DOCK3: variants seen among roughly 807,000 people sequenced by gnomAD.
DOCK3 encodes dedicator of cytokinesis protein 3.
A neutral mutation model predicts 265.6 loss-of-function variants in DOCK3; 60 were observed. The observed-to-expected ratio is 0.23, with a 90% confidence interval of 0.18 to 0.28. DOCK3 has a LOEUF of 0.28. Ranked by LOEUF, DOCK3 falls within the 10% of genes least tolerant of loss-of-function variation. The pLI is 1.00. For synonymous variants in DOCK3, 881 were observed against 938.0 expected (o/e 0.94, Z 1.11); for missense variants, 1,981 against 2,594.3 (o/e 0.76, Z 5.14).
chr3:50,949,585 A>G (rs1187492540), intron 5 of DOCK3, among the ~76,000 whole-genome samples: 3 of 152,182 alleles, frequency 2.0e-5, no homozygotes, highest in Admixed American at 6.5e-5. Context: ...AACATTTGGT[A>G]GAATTCACCT....
intron 5 of DOCK3, among the ~76,000 whole-genome samples, chr3:51,052,703 G>C (rs1005886111): frequency 2.0e-5 from 3 of 152,126 alleles, no homozygotes; most frequent in African/African-American, 7.2e-5. Context: ...AAGGGGCTTG[G>C]TTGGCAGGGT....
At chr3:51,145,323 C>T (rs2085248897) in intron 9 of DOCK3, among the ~76,000 whole-genome samples, 1 of 152,024 alleles carries the variant, frequency 6.6e-6, no homozygotes, top group Admixed American at 6.5e-5. Context: ...TGGTGTGCTG[C>T]ACCCATTAAC....
chr3:51,312,724 C>A, intron 30 of DOCK3, 120 bp from the exon 31 acceptor site: 1 of 1,267,960 alleles, frequency 7.9e-7, no homozygotes, highest in Non-Finnish European at 1.1e-6. Context: ...AGCCCAAAGG[C>A]TTAGCGCATT....
chr3:51,211,966 A>C (rs2089530680), intron 13 of DOCK3, among the ~76,000 whole-genome samples: 1 of 152,208 alleles, frequency 6.6e-6, no homozygotes, highest in South Asian at 2.1e-4. Flanking sequence ...GGTGTTGCAT[A>C]CTGGGTGAGC....
At chr3:51,028,997 A>G (rs1045618940) in intron 5 of DOCK3, among the ~76,000 whole-genome samples, 2 of 152,122 alleles carry the variant, frequency 1.3e-5, no homozygotes, top group Admixed American at 6.5e-5. Flanking sequence ...TTATTGCCAG[A>G]GTTCTTGTGC....
chr3:51,016,020 AATATATATCATATATTTCTACATATG>A (rs2079191020), intron 5 of DOCK3, among the ~76,000 whole-genome samples: 1 of 2,024 alleles, frequency 4.9e-4, no homozygotes, highest in Non-Finnish European at 7.2e-4. Context: ...ATTTCTACAT[AATATATATCATATATTTCTACATATG>A]ATATATATCA....
intron 13 of DOCK3, among the ~76,000 whole-genome samples, chr3:51,212,382 G>T (rs2089559614): frequency 6.6e-6 from 1 of 151,198 alleles, no homozygotes; most frequent in South Asian, 2.1e-4. Flanking sequence ...AAGGCAGTCA[G>T]TGAGTACTTA....
chr3:50,730,852 C>T (rs554912752), intron 1 of DOCK3, among the ~76,000 whole-genome samples: 6 of 150,694 alleles, frequency 4.0e-5, no homozygotes, highest in African/African-American at 7.3e-5. Flanking sequence ...TCCTTTTGGC[C>T]GGGCGTGGTG....
intron 32 of DOCK3, among the ~76,000 whole-genome samples, chr3:51,316,540 A>C (rs1005398206): frequency 6.6e-6 from 1 of 152,216 alleles, no homozygotes; most frequent in Non-Finnish European, 1.5e-5. Context: ...AGAGGTTCTC[A>C]AACTCTTTTC....
intron 9 of DOCK3, among the ~76,000 whole-genome samples, chr3:51,113,819 T>C (rs933860497): frequency 6.6e-6 from 1 of 152,150 alleles, no homozygotes; most frequent in Admixed American, 6.5e-5. Flanking sequence ...GTCAACAAAA[T>C]TTGAGAGTTT....
At chr3:51,032,127 T>TGTGTGTGG (rs1181957942) in intron 5 of DOCK3, among the ~76,000 whole-genome samples, 1 of 151,656 alleles carries the variant, frequency 6.6e-6, no homozygotes, top group East Asian at 1.9e-4. Context: ...CTCGTGTGTG[T>TGTGTGTGG]GTGTGTGTGT....
chr3:51,178,610 T>G (rs1307614665), intron 12 of DOCK3, among the ~76,000 whole-genome samples: 1 of 152,202 alleles, frequency 6.6e-6, no homozygotes, highest in Admixed American at 6.5e-5. Flanking sequence ...CCTCCAGCTC[T>G]TTACTGTTCC....
At chr3:51,044,343 A>G (rs1159307913) in intron 5 of DOCK3, among the ~76,000 whole-genome samples, 1 of 152,122 alleles carries the variant, frequency 6.6e-6, no homozygotes, top group Non-Finnish European at 1.5e-5. Context: ...AAAACCAAAT[A>G]CCACATATTC....
intron 32 of DOCK3, among the ~76,000 whole-genome samples, chr3:51,318,620 G>C (rs2083501558): frequency 6.6e-6 from 1 of 151,820 alleles, no homozygotes; most frequent in South Asian, 2.1e-4. Flanking sequence ...TTATTGTCAA[G>C]TATGCAGCAT....
intron 3 of DOCK3, among the ~76,000 whole-genome samples, chr3:50,886,682 G>A (rs1487134602): frequency 2.0e-5 from 3 of 151,194 alleles, no homozygotes; most frequent in Non-Finnish European, 4.4e-5. Flanking sequence ...TTGTCCTTGC[G>A]ATAGTTTACT....
chr3:50,694,537 A>G (rs1021123267), intron 1 of DOCK3, among the ~76,000 whole-genome samples: 1 of 151,336 alleles, frequency 6.6e-6, no homozygotes, highest in Non-Finnish European at 1.5e-5. Flanking sequence ...GGCTGGGTGC[A>G]GTGGCTCACG....
intron 1 of DOCK3, among the ~76,000 whole-genome samples, chr3:50,682,145 G>C (rs2034457204): frequency 6.6e-6 from 1 of 152,202 alleles, no homozygotes; most frequent in African/African-American, 2.4e-5. Context: ...TAAGGCCCCA[G>C]AGCTAAGACT....
rs1203173511 is a variant in DOCK3, at chr3:51,277,601, G to A, written c.2677-7G>A. On this transcript the variant is annotated splice_polypyrimidine_tract_variant and splice_region_variant and intron_variant, in intron 25 of 52. Coordinates refer to ENST00000266037, the MANE Select transcript of DOCK3 (RefSeq NM_004947.5). Reference sequence around the variant, plus strand: ...CTAATGGTGTGCTCTCTTGCTGCTCGCTCCAGGAGGCAGATGTCATGGAGG... The same window carrying A: ...CTAATGGTGTGCTCTCTTGCTGCTCACTCCAGGAGGCAGATGTCATGGAGG... 13 of 1,524,492 alleles carry A rather than the reference G, an allele frequency of 8.5e-6. No individual in the cohort carries two copies. Among genetic ancestry groups the A allele is most frequent in the African/African-American group, 1.4e-5 (1 of 71,388 alleles). 94.4% of individuals were successfully genotyped at this position (1,524,492 alleles called of 1,614,324 possible). A position where few individuals can be genotyped will look rare whatever the true frequency, so the allele number is the denominator to read the frequency against.
chr3:51,015,806 T>A (rs71329040), intron 5 of DOCK3, among the ~76,000 whole-genome samples: 1 of 1,360 alleles, frequency 7.4e-4, no homozygotes, highest in African/African-American at 5.4e-3. Flanking sequence ...TATCATATAT[T>A]TCTATATATG....
Sources: gnomAD v4.1 joint callset for allele counts (sites outside exome capture counted in the v4.1 genomes callset) on GRCh38, gnomAD v4.1.1 for gene constraint, MANE v1.5 for transcripts, NCBI Gene and HGNC (gene_info 2026-07-23, HGNC 2026-07-21) for gene names.